Variants in AK7 observed in about 807,000 individuals in gnomAD.
AK7 encodes ATP-AMP transphosphorylase 7.
A neutral mutation model predicts 96.6 loss-of-function variants in AK7; 78 were observed. The ratio of observed to expected loss-of-function variants is 0.81; its 90% confidence interval spans 0.67 to 0.97. The LOEUF (loss-of-function observed/expected upper bound fraction) is 0.97. AK7 is among the 50% of genes least tolerant of loss of function. The pLI, the probability that AK7 is intolerant of heterozygous loss-of-function variation, is 0.00. For synonymous variants in AK7, 302 were observed against 317.2 expected, an observed-to-expected ratio of 0.95 and a Z score of 0.51; for missense variants, 855 against 887.9, an observed-to-expected ratio of 0.96 and a Z score of 0.47.
intron 12 of AK7, among the ~76,000 whole-genome samples, chr14:96,458,849 G>A (rs1234681354): frequency 7.3e-6 from 1 of 136,906 alleles, no homozygotes; most frequent in Non-Finnish European, 1.5e-5. Flanking sequence ...AGTTGAAGCT[G>A]TAGTAAGCCA....
chr14:96,425,690 G>A (rs1458583413), intron 5 of AK7, among the ~76,000 whole-genome samples: 2 of 151,952 alleles, frequency 1.3e-5, no homozygotes, highest in Non-Finnish European at 2.9e-5. Flanking sequence ...CACCATGCTG[G>A]CCAGGCTGGT....
intron 6 of AK7, among the ~76,000 whole-genome samples, chr14:96,441,623 A>G (rs1465673568): frequency 1.4e-5 from 2 of 139,416 alleles, no homozygotes; most frequent in Non-Finnish European, 3.0e-5. Context: ...AGCCTGGGTG[A>G]CACAGCAAGA....
chr14:96,456,250 A>G (rs1893894642), intron 10 of AK7, 97 bp from the exon 11 acceptor site: 1 of 1,110,144 alleles, frequency 9.0e-7, no homozygotes, highest in South Asian at 1.7e-5. Flanking sequence ...AAAAAAAAAA[A>G]AAAAAAAAAA....
intron 1 of AK7, among the ~76,000 whole-genome samples, chr14:96,395,511 A>G (rs1370079019): frequency 6.6e-6 from 1 of 151,992 alleles, no homozygotes; most frequent in Non-Finnish European, 1.5e-5. Flanking sequence ...GGTCACCTGT[A>G]CAAAAAACGG....
chr14:96,483,295 A>T, intron 16 of AK7, 76 bp downstream of exon 16: 1 of 1,422,936 alleles, frequency 7.0e-7, no homozygotes, highest in Non-Finnish European at 9.6e-7. Context: ...CATTTAGGCC[A>T]GTTCCACTTC....
Position 96,404,742 on chromosome 14 carries a change from A to G in AK7, c.295-15A>G. On this transcript the variant is annotated splice_polypyrimidine_tract_variant and intron_variant, in intron 2 of 17. Coordinates refer to ENST00000267584, the MANE Select transcript of AK7 (RefSeq NM_152327.5). ...TAGCGTCTTGCTGCAAATGGCTGTC[A>G]ATTTTCTTTTTCAGGCCATCTCTCG... The G allele has an allele frequency of 6.4e-7, 1 of 1,570,426 alleles. No homozygotes were observed. Among genetic ancestry groups the G allele is most frequent in the Non-Finnish European group, 8.7e-7 (1 of 1,143,520 alleles).
intron 5 of AK7, among the ~76,000 whole-genome samples, chr14:96,428,176 A>T (rs1892138560): frequency 6.6e-6 from 1 of 151,684 alleles, no homozygotes; most frequent in African/African-American, 2.4e-5. Flanking sequence ...AAGTGTTCTC[A>T]TTGTTCAATT....
chr14:96,461,997 G>C (rs1595445281), intron 12 of AK7, among the ~76,000 whole-genome samples: 1 of 152,186 alleles, frequency 6.6e-6, no homozygotes, highest in Non-Finnish European at 1.5e-5. Flanking sequence ...CACGCTTGGG[G>C]AGGTGACCAC....
At chr14:96,456,693 G>A (rs1049117471) in intron 11 of AK7, 36 of 396,978 alleles carry the variant, frequency 9.1e-5, no homozygotes, top group South Asian at 3.4e-4. Context: ...CCACACTGGC[G>A]TCAGAGAGCT....
At position 96,446,463 on chromosome 14, in the gene AK7, C is replaced by T. The variant is rs12185043; in HGVS notation, c.780-54C>T. 4.5e-3 allele frequency: 6,651 copies of T among 1,489,340 alleles called. 20 individuals carry two copies. Among genetic ancestry groups the T allele is most frequent in the Non-Finnish European group, 5.4e-3 (5,708 of 1,066,632 alleles). The allele number at this position is 1,489,340 out of a possible 1,614,324, so 92.3% of individuals were successfully genotyped here. A position where few individuals can be genotyped will look rare whatever the true frequency, so the allele number is the denominator to read the frequency against. ...GTGGTGGTCAGTGAATTCTAGTTTA[C>T]TGCATCTCTTTCGCTTTTTCCCTTT... On this transcript the variant is annotated intron_variant, in intron 7 of 17. Coordinates refer to ENST00000267584, the MANE Select transcript of AK7 (RefSeq NM_152327.5).
chr14:96,487,253 C>T (rs1595474461), intron 17 of AK7, among the ~76,000 whole-genome samples, 197 bp downstream of exon 17: 1 of 149,266 alleles, frequency 6.7e-6, no homozygotes, highest in African/African-American at 2.5e-5. Flanking sequence ...GGTGTGGTGG[C>T]ACGCGCTGTA....
chr14:96,439,030 C>T (rs1459568217), intron 6 of AK7, among the ~76,000 whole-genome samples: 1 of 152,118 alleles, frequency 6.6e-6, no homozygotes, highest in Non-Finnish European at 1.5e-5. Context: ...GGGAATGGAG[C>T]TGGTTGGGGT....
At chr14:96,477,197 G>A (rs754878134) in intron 14 of AK7, among the ~76,000 whole-genome samples, 3 of 152,148 alleles carry the variant, frequency 2.0e-5, no homozygotes, top group Non-Finnish European at 2.9e-5. Flanking sequence ...GAATTTATAG[G>A]ATCTTATTCC....
chr14:96,459,541 G>C (rs1232559266), intron 12 of AK7, among the ~76,000 whole-genome samples: 2 of 152,046 alleles, frequency 1.3e-5, no homozygotes, highest in Non-Finnish European at 2.9e-5. Context: ...AAATTGATAA[G>C]AGAGTTATGA....
At chr14:96,409,644 A>G (rs1270028513) in intron 4 of AK7, among the ~76,000 whole-genome samples, 1 of 152,240 alleles carries the variant, frequency 6.6e-6, no homozygotes, top group Non-Finnish European at 1.5e-5. Flanking sequence ...ACTTCCTAAT[A>G]TTCAGAGTCC....
chr14:96,451,499 G>C lies in AK7; in HGVS notation c.1027G>C (p.Ala343Pro). The C allele has an allele frequency of 6.2e-7, 1 of 1,603,572 alleles. No homozygotes were observed. The highest frequency in any genetic ancestry group is 1.1e-5 in the South Asian group (1 of 89,308). The change falls in exon 10 of 18, where the codon GCT becomes CCT. Residue 343 changes from alanine (A) to proline (P), a missense_variant. Transcript: ENST00000267584. Reference sequence around the variant, plus strand: ...GAAGGAGAATTTTAATATTCGATGGGCTGCCCAAACAGGATTTGTGGAAAA... The same window carrying C: ...GAAGGAGAATTTTAATATTCGATGGCCTGCCCAAACAGGATTTGTGGAAAA... The part of the protein sequence containing the change: ...FVKENFNIRW[A>P]AQTGFVENIN...
At chr14:96,410,731 A>G (rs1206411449) in intron 4 of AK7, among the ~76,000 whole-genome samples, 1 of 152,228 alleles carries the variant, frequency 6.6e-6, no homozygotes, top group Non-Finnish European at 1.5e-5. Context: ...AGCCAGGTGT[A>G]GTGGTGCTTG....
At chr14:96,483,860 C>G (rs2140180930) in intron 16 of AK7, among the ~76,000 whole-genome samples, 2 of 152,252 alleles carry the variant, frequency 1.3e-5, no homozygotes, top group South Asian at 4.2e-4. Context: ...ATCTAACCTA[C>G]CCAGGTGGTC....
At chr14:96,434,459 T>TCTCTCTCTC (rs1250355593) in intron 5 of AK7, among the ~76,000 whole-genome samples, 1 of 148,254 alleles carries the variant, frequency 6.7e-6, no homozygotes, top group African/African-American at 2.5e-5. Flanking sequence ...TCTCTCTCTG[T>TCTCTCTCTC]TCTAAGCCAC....
Sources: gnomAD v4.1 joint callset for allele counts (sites outside exome capture counted in the v4.1 genomes callset) on GRCh38, gnomAD v4.1.1 for gene constraint, MANE v1.5 for transcripts, NCBI Gene and HGNC (gene_info 2026-07-23, HGNC 2026-07-21) for gene names.